The following LSAMP variants were observed in gnomAD, a reference collection of about 807,000 sequenced individuals.
The protein encoded by LSAMP is limbic system-associated membrane protein.
Under a neutral mutation model 38.6 loss-of-function variants are expected in LSAMP, and 7 were observed. The observed-to-expected ratio is 0.18, with a 90% CI of 0.10 to 0.34. The LOEUF is 0.34. Among genes scored for constraint, LSAMP ranks in the 10% least tolerant of loss-of-function variants. The pLI is 1.00. For synonymous variants in LSAMP, 154 were observed against 166.8 expected, an observed-to-expected ratio of 0.92 and a Z score of 0.59; for missense variants, 313 against 420.0, an observed-to-expected ratio of 0.75 and a Z score of 2.23.
intron 1 of LSAMP, among the ~76,000 whole-genome samples, chr3:116,111,376 T>A (rs898473406): frequency 6.6e-6 from 1 of 152,236 alleles, no homozygotes; most frequent in Non-Finnish European, 1.5e-5. Flanking sequence ...TCTCTCTGAT[T>A]TGTGCCTAAC....
chr3:116,268,743 AATTTGTTGCTC>A (rs1288282853), intron 1 of LSAMP, among the ~76,000 whole-genome samples: 1 of 151,668 alleles, frequency 6.6e-6, no homozygotes, highest in Admixed American at 6.6e-5. Flanking sequence ...TAAAGTATAT[AATTTGTTGCTC>A]ATTTGTTGCT....
chr3:115,952,642 C>T (rs995859351), intron 3 of LSAMP, among the ~76,000 whole-genome samples: 1 of 152,046 alleles, frequency 6.6e-6, no homozygotes, highest in African/African-American at 2.4e-5. Flanking sequence ...AATGGGTGCA[C>T]CAAAATCTCA....
At chr3:116,123,299 C>A (rs972474079) in intron 1 of LSAMP, among the ~76,000 whole-genome samples, 12 of 152,188 alleles carry the variant, frequency 7.9e-5, no homozygotes, top group African/African-American at 2.9e-4. Flanking sequence ...GGCCATGACA[C>A]CTCCTCCAGT....
chr3:116,016,081 C>G (rs542631364), intron 3 of LSAMP, among the ~76,000 whole-genome samples: 1 of 152,144 alleles, frequency 6.6e-6, no homozygotes, highest in African/African-American at 2.4e-5. Context: ...GGAGCAGAGT[C>G]TCTTCTTTGG....
chr3:115,954,504 G>C (rs1938391940), intron 3 of LSAMP, among the ~76,000 whole-genome samples: 1 of 152,130 alleles, frequency 6.6e-6, no homozygotes, highest in South Asian at 2.1e-4. Context: ...AAATGGACAT[G>C]GCAAATGGAA....
At chr3:116,430,426 C>T (rs1227298305) in intron 1 of LSAMP, among the ~76,000 whole-genome samples, 2 of 151,930 alleles carry the variant, frequency 1.3e-5, no homozygotes, top group Admixed American at 1.3e-4. Context: ...GAGAAATCAC[C>T]CATTTCAATC....
At chr3:115,878,543 C>T (rs1217565535) in intron 3 of LSAMP, among the ~76,000 whole-genome samples, 1 of 145,942 alleles carries the variant, frequency 6.9e-6, no homozygotes, top group Non-Finnish European at 1.5e-5. Context: ...CTCACGGCAA[C>T]CTCCGCTTCC....
chr3:116,305,555 A>G (rs1446960408), intron 1 of LSAMP, among the ~76,000 whole-genome samples: 2 of 152,058 alleles, frequency 1.3e-5, no homozygotes, highest in Admixed American at 6.6e-5. Context: ...ACGAAAAAAA[A>G]ATACAGAAAG....
At chr3:115,873,807 G>C (rs953154771) in intron 3 of LSAMP, among the ~76,000 whole-genome samples, 1 of 152,132 alleles carries the variant, frequency 6.6e-6, no homozygotes, top group Admixed American at 6.6e-5. Context: ...ACATCTGTAA[G>C]TAAATGCCCA....
chr3:116,099,615 T>C (rs1708299406), intron 1 of LSAMP, among the ~76,000 whole-genome samples: 1 of 152,168 alleles, frequency 6.6e-6, no homozygotes, highest in Non-Finnish European at 1.5e-5. Context: ...TGGCCACTCT[T>C]AGAATGATGG....
intron 3 of LSAMP, among the ~76,000 whole-genome samples, chr3:115,936,066 C>T (rs1486922476): frequency 6.6e-6 from 1 of 152,174 alleles, no homozygotes; most frequent in Non-Finnish European, 1.5e-5. Context: ...GGTCATTAAC[C>T]TCTATAAGTG....
intron 1 of LSAMP, among the ~76,000 whole-genome samples, chr3:116,371,517 T>C (rs1357005499): frequency 1.3e-5 from 2 of 152,024 alleles, no homozygotes; most frequent in Admixed American, 1.3e-4. Context: ...AACATACTAG[T>C]AACAGAAGAA....
rs761577353 is a variant in LSAMP at position 115,806,798 on chromosome 3, G to T, written c.*3519C>A. Reference sequence around the variant, plus strand: ...TTAAGACATGGGGATTTCATGTCTCGAAACAAACAAGACTTTTTATCCAGC... The same window carrying T: ...TTAAGACATGGGGATTTCATGTCTCTAAACAAACAAGACTTTTTATCCAGC... On this transcript the variant is annotated 3_prime_UTR_variant, in exon 7 of 7. Coordinates refer to ENST00000490035, the MANE Select transcript of LSAMP (RefSeq NM_002338.5). The T allele has an allele frequency of 6.6e-6, 1 of 152,106 alleles. No individual in the cohort carries two copies. The highest frequency in any genetic ancestry group is 1.5e-5 in the Non-Finnish European group (1 of 68,020). 9.4% of individuals were successfully genotyped at this position (152,106 alleles called of 1,614,324 possible).
intron 1 of LSAMP, among the ~76,000 whole-genome samples, chr3:116,254,872 G>T (rs1456547003): frequency 6.6e-6 from 1 of 152,166 alleles, no homozygotes; most frequent in Non-Finnish European, 1.5e-5. Context: ...TGAATGTTGT[G>T]CAATCTCTCA....
At chr3:116,257,682 T>C (rs1346605056) in intron 1 of LSAMP, among the ~76,000 whole-genome samples, 1 of 152,186 alleles carries the variant, frequency 6.6e-6, no homozygotes, top group African/African-American at 2.4e-5. Context: ...GTAATTTTTT[T>C]CTGGTTGCTT....
At chr3:116,010,813 TTTTC>T (rs1940302767) in intron 3 of LSAMP, among the ~76,000 whole-genome samples, 1 of 152,262 alleles carries the variant, frequency 6.6e-6, no homozygotes, top group African/African-American at 2.4e-5. Context: ...TCATTTGTAA[TTTTC>T]TTTCTATTCA....
intron 3 of LSAMP, among the ~76,000 whole-genome samples, chr3:115,963,795 C>T (rs1192429384): frequency 6.6e-6 from 1 of 152,112 alleles, no homozygotes; most frequent in Non-Finnish European, 1.5e-5. Context: ...GCTGTGTTGC[C>T]CAGGCTGGAG....
Position 116,276,054 on chromosome 3 carries a change from A to C in LSAMP, c.155+168823T>G, listed in dbSNP as rs116540451. ...AGGGTGACTAGACTGACACCAGGCT[A>C]TGTTTTAACATTAGCACTAATTGAT... On this transcript the variant is annotated intron_variant, in intron 1 of 6. Coordinates refer to ENST00000490035, the MANE Select transcript of LSAMP (RefSeq NM_002338.5). 5.6e-3 allele frequency among the ~76,000 whole-genome samples: 848 copies of C among 152,338 alleles called. 4 individuals are homozygous for C. The highest frequency in any genetic ancestry group is 9.7e-3 in the Non-Finnish European group (657 of 68,028).
At chr3:115,867,646 C>T (rs967863847) in intron 3 of LSAMP, among the ~76,000 whole-genome samples, 1 of 151,982 alleles carries the variant, frequency 6.6e-6, no homozygotes, top group Admixed American at 6.6e-5. Context: ...AGCCAAACCA[C>T]GGGGAAGAAG....
Sources: allele counts gnomAD v4.1 joint callset (sites outside exome capture counted in the v4.1 genomes callset), GRCh38; gene constraint gnomAD v4.1.1; transcripts MANE v1.5; gene names NCBI Gene and HGNC (gene_info 2026-07-23, HGNC 2026-07-21).